The following HMCN1 variants were observed in gnomAD, a reference collection of about 807,000 sequenced individuals.
HMCN1 encodes the protein hemicentin-1.
In HMCN1, 321 loss-of-function variants were observed where a neutral mutation model predicts 625.9. The ratio of observed to expected loss-of-function variants is 0.51; its 90% confidence interval spans 0.47 to 0.56. The LOEUF (loss-of-function observed/expected upper bound fraction) is 0.56, where lower values mean the gene tolerates loss of function less well. HMCN1 is among the 20% of genes least tolerant of loss of function. The probability of loss-of-function intolerance (pLI) is 0.00; values close to 1 mark genes in which losing one functional copy is unlikely to be tolerated. For synonymous variants in HMCN1, 2,425 were observed against 2,417.6 expected, an observed-to-expected ratio of 1.00 and a Z score of -0.09; for missense variants, 6,588 against 6,887.3, an observed-to-expected ratio of 0.96 and a Z score of 1.54.
intron 13 of HMCN1, 60 bp downstream of exon 13, chr1:185,963,955 A>G (rs1650215630): frequency 1.4e-6 from 2 of 1,475,310 alleles, no homozygotes; most frequent in Admixed American, 3.4e-5. Flanking sequence ...CAAGCAATGC[A>G]AAAGTACTTT....
At position 186,153,739 on chromosome 1, in the gene HMCN1, G is replaced by A; in HGVS notation, c.15019-11G>A. On this transcript the variant is annotated splice_polypyrimidine_tract_variant and intron_variant, in intron 96 of 106. Coordinates refer to ENST00000271588, the MANE Select transcript of HMCN1 (RefSeq NM_031935.3). ...CCATATTGATCTTCAAATCCACATT[G>A]TTCTCCTTAGGATTACACAGAGGAC... is the stretch of plus-strand genomic sequence containing the variant. 2 of 1,609,318 alleles carry A rather than the reference G, an allele frequency of 1.2e-6. No individual in the cohort carries two copies. Among genetic ancestry groups the A allele is most frequent in the Non-Finnish European group, 1.7e-6 (2 of 1,175,762 alleles).
intron 84 of HMCN1, 39 bp from the exon 85 acceptor site, chr1:186,130,468 C>T (rs374133079): frequency 3.4e-5 from 53 of 1,581,528 alleles, no homozygotes; most frequent in Non-Finnish European, 4.6e-5. Context: ...ATTATCAGCA[C>T]TTACTTTTAC....
intron 11 of HMCN1, among the ~76,000 whole-genome samples, chr1:185,961,400 T>C (rs949287793): frequency 1.3e-5 from 2 of 152,322 alleles, no homozygotes; most frequent in African/African-American, 4.8e-5. Flanking sequence ...ACAGCATGCC[T>C]GTTAGGTTCA....
At chr1:185,782,985 A>G (rs1353718438) in intron 1 of HMCN1, among the ~76,000 whole-genome samples, 2 of 152,158 alleles carry the variant, frequency 1.3e-5, no homozygotes, top group African/African-American at 2.4e-5. Flanking sequence ...AGGTACACCA[A>G]TCAGACGCAC....
At chr1:185,803,433 C>T (rs1242961752) in intron 1 of HMCN1, among the ~76,000 whole-genome samples, 1 of 152,000 alleles carries the variant, frequency 6.6e-6, no homozygotes, top group African/African-American at 2.4e-5. Context: ...ATTCAAGCAA[C>T]ATCTGGTCAT....
In HMCN1 at chr1:186,103,645, G is replaced by T. The variant is rs768847977; in HGVS notation, c.10747G>T (p.Val3583Phe). Residue 3583 changes from valine to phenylalanine, a missense_variant, in exon 69 of 107, where the codon GTT becomes TTT. By Grantham distance (50) the Val-to-Phe change is conservative. Around this residue, in one of 3 missense-constraint regions of HMCN1, gnomAD observed 4,628 missense variants for 4,853.1 expected, o/e 0.95. Coordinates refer to ENST00000271588, the MANE Select transcript of HMCN1 (RefSeq NM_031935.3). ...AGTGCAAACTCTAGGAGGAGGAGAGGTTCTTCGAATTTCTACTGCTCAGGT... is the reference window on the plus strand; with the variant it reads ...AGTGCAAACTCTAGGAGGAGGAGAGTTTCTTCGAATTTCTACTGCTCAGGT... ...DQVQTLGGGE[V>F]LRISTAQVED... 9 of 1,613,686 alleles carry T rather than the reference G, an allele frequency of 5.6e-6. No homozygotes were observed. Among genetic ancestry groups the T allele is most frequent in the South Asian group, 1.1e-5 (1 of 91,068 alleles).
chr1:185,904,199 G>A lies in HMCN1; in HGVS notation c.622-5138G>A, dbSNP rs1027130022. Among the ~76,000 whole-genome samples, 9 of 151,772 alleles carry A rather than the reference G, an allele frequency of 5.9e-5. No individual in the cohort carries two copies. The East Asian group carries it at 1.7e-3, about 29-fold the overall frequency. Reference sequence around the variant, plus strand: ...GCTTAGTGACTTCTAAGCAAAATTGGAAGCATAGGCTCTATGCTATACTGC... The same window carrying A: ...GCTTAGTGACTTCTAAGCAAAATTGAAAGCATAGGCTCTATGCTATACTGC... On this transcript the variant is annotated intron_variant, in intron 4 of 106. Transcript: ENST00000271588.
In HMCN1 at chr1:185,734,829, A is replaced by G. The variant is rs375537965; in HGVS notation, c.50A>G (p.Tyr17Cys). ...VHTVFLFALL[Y>C]SSLAQDASPQ... ...ACAGTATTCCTGTTTGCTCTTCTTT[A>G]TTCTTCCCTAGCTCAAGATGCGAGC... Residue 17 changes from tyrosine (Y) to cysteine (C), a missense_variant, in exon 1 of 107, where the codon TAT becomes TGT. Coordinates refer to ENST00000271588, the MANE Select transcript of HMCN1 (RefSeq NM_031935.3). The G allele has an allele frequency of 8.1e-6, 13 of 1,613,866 alleles. No individual in the cohort carries two copies. The highest frequency in any genetic ancestry group is 2.7e-5 in the African/African-American group (2 of 74,888).
chr1:186,003,964 A>G (rs1394386314), intron 29 of HMCN1, 120 bp downstream of exon 29: 1 of 960,198 alleles, frequency 1.0e-6, no homozygotes, highest in African/African-American at 1.6e-5. Flanking sequence ...AAATGAGCAT[A>G]CAGGAAAAAC....
chr1:186,176,123 C>A (rs554408081), intron 103 of HMCN1, among the ~76,000 whole-genome samples: 56 of 152,118 alleles, frequency 3.7e-4, no homozygotes, highest in Non-Finnish European at 5.7e-4. Flanking sequence ...AGTACAGATT[C>A]CATGTGTTGA....
At chr1:186,187,354 G>A (rs1208501067) in intron 105 of HMCN1, among the ~76,000 whole-genome samples, 1 of 152,014 alleles carries the variant, frequency 6.6e-6, no homozygotes, top group Non-Finnish European at 1.5e-5. Flanking sequence ...CTCAAGATCT[G>A]ACTAGCCTGT....
chr1:186,132,874 G>A (rs761958352), intron 86 of HMCN1, among the ~76,000 whole-genome samples: 2 of 151,876 alleles, frequency 1.3e-5, no homozygotes, highest in African/African-American at 2.4e-5. Context: ...TCCCACCTAT[G>A]AGTGAGAACA....
chr1:185,881,783 G>A (rs1664328754), intron 4 of HMCN1, among the ~76,000 whole-genome samples: 1 of 152,114 alleles, frequency 6.6e-6, no homozygotes. Context: ...ACAGAATAAA[G>A]TTCATTTTCA....
intron 76 of HMCN1, 32 bp downstream of exon 76, chr1:186,117,147 T>C: frequency 6.2e-7 from 1 of 1,611,906 alleles, no homozygotes; most frequent in Non-Finnish European, 8.5e-7. Flanking sequence ...GATTGAAACA[T>C]GATAATGCTA....
intron 97 of HMCN1, among the ~76,000 whole-genome samples, chr1:186,160,265 T>C (rs1369985967): frequency 2.1e-5 from 3 of 146,228 alleles, no homozygotes; most frequent in Non-Finnish European, 3.0e-5. Flanking sequence ...TCGGTGGTGA[T>C]ATCCCCTTTA....
intron 4 of HMCN1, among the ~76,000 whole-genome samples, chr1:185,907,839 C>T (rs987053325): frequency 6.6e-6 from 1 of 151,542 alleles, no homozygotes; most frequent in African/African-American, 2.4e-5. Flanking sequence ...ATTTTACATA[C>T]ATTTTTTCAA....
At chr1:186,132,248 A>C in intron 85 of HMCN1, 80 bp from the exon 86 acceptor site, 6 of 958,654 alleles carry the variant, frequency 6.3e-6, no homozygotes, top group Non-Finnish European at 8.3e-6. Context: ...AATTTCAAAT[A>C]AACTAGCATC....
intron 11 of HMCN1, among the ~76,000 whole-genome samples, chr1:185,959,921 T>G (rs1649889847): frequency 6.6e-6 from 1 of 152,124 alleles, no homozygotes; most frequent in Non-Finnish European, 1.5e-5. Flanking sequence ...TTGAAACTAC[T>G]TCATTAAAAT....
At chr1:185,843,402 C>G (rs1661612266) in intron 1 of HMCN1, among the ~76,000 whole-genome samples, 1 of 152,122 alleles carries the variant, frequency 6.6e-6, no homozygotes, top group African/African-American at 2.4e-5. Flanking sequence ...TAGTGAGCGC[C>G]TGGATTACCT....
Sources: allele counts gnomAD v4.1 joint callset (sites outside exome capture counted in the v4.1 genomes callset), GRCh38; gene constraint gnomAD v4.1.1; regional missense constraint gnomAD v4.1.1; transcripts MANE v1.5; gene names NCBI Gene and HGNC (gene_info 2026-07-23, HGNC 2026-07-21).